Variants in WDR27 observed in about 807,000 individuals in gnomAD.
The protein encoded by WDR27 is WD repeat-containing protein 27.
Under a neutral mutation model 114.4 loss-of-function variants are expected in WDR27, and 100 were observed. The ratio of observed to expected loss-of-function variants is 0.87; its 90% CI spans 0.74 to 1.03. The LOEUF is 1.03. WDR27 is among the 50% of genes least tolerant of loss of function. WDR27 has a pLI of 0.00. For synonymous variants in WDR27, 449 were observed against 423.1 expected (o/e 1.06, Z -0.75); for missense variants, 1,129 against 1,092.9 (o/e 1.03, Z -0.47).
intron 19 of WDR27, 148 bp downstream of exon 19, chr6:169,636,223 G>T: frequency 2.1e-6 from 2 of 952,498 alleles, no homozygotes; most frequent in Non-Finnish European, 1.5e-6. Flanking sequence ...AGTAGGATCT[G>T]GATAATTCCC....
rs117350500 is a variant in WDR27, at chr6:169,623,016, G to A, written c.2224-9360C>T. 1.3e-3 allele frequency among the ~76,000 whole-genome samples: 201 copies of A among 152,308 alleles called. 4 individuals carry two copies. The East Asian group carries it at 0.031, about 24-fold the overall frequency. On this transcript the variant is annotated intron_variant, in intron 21 of 25. Transcript: ENST00000448612. ...AAAGATTAGAAATTATGGTTTAGGAGTAATGTAGCTGGAGGCTACAAGATT... is the reference window on the plus strand; with the variant it reads ...AAAGATTAGAAATTATGGTTTAGGAATAATGTAGCTGGAGGCTACAAGATT...
At chr6:169,514,311 G>A (rs1224117619) in intron 25 of WDR27, among the ~76,000 whole-genome samples, 5 of 150,938 alleles carry the variant, frequency 3.3e-5, no homozygotes, top group Non-Finnish European at 7.4e-5. Context: ...GAAAAGAGAA[G>A]TCAAACTGAC....
the WDR27 span, chr6:169,427,188 G>C: frequency 6.6e-6 from 1 of 152,444 alleles, no homozygotes; most frequent in Admixed American, 6.5e-5. Flanking sequence ...AGGTGGGGAG[G>C]GGGGAAACCG....
chr6:169,607,711 C>G (rs1344982840), intron 22 of WDR27, among the ~76,000 whole-genome samples: 1 of 152,044 alleles, frequency 6.6e-6, no homozygotes, highest in African/African-American at 2.4e-5. Flanking sequence ...ACCTTAAAAG[C>G]CCGGACTTCA....
chr6:169,543,402 T>C (rs1225690208), intron 25 of WDR27, among the ~76,000 whole-genome samples: 1 of 152,114 alleles, frequency 6.6e-6, no homozygotes, highest in Non-Finnish European at 1.5e-5. Context: ...TTCATACTCT[T>C]AAAAGTTATT....
In WDR27 at chr6:169,659,630, C is replaced by A. The variant is rs528774291; in HGVS notation, c.1130-112G>T. ...CAGCCCAGAGCCCACCACACACAGT[C>A]CAGGCCCCACCACACACTTTGCAGG... On this transcript the variant is annotated intron_variant, in intron 10 of 25. Transcript: ENST00000448612. This position sits in a 1 kb window ranked among gnomAD's most constrained non-coding sequence, Gnocchi z 4.3. 2 of 939,568 alleles carry A rather than the reference C, an allele frequency of 2.1e-6. No homozygotes were observed. The highest frequency in any genetic ancestry group is 2.9e-5 in the South Asian group (2 of 68,560). 58.2% of individuals were successfully genotyped at this position (939,568 alleles called of 1,614,324 possible). A position where few individuals can be genotyped will look rare whatever the true frequency, so the allele number is the denominator to read the frequency against.
Position 169,626,025 on chromosome 6 carries a change from G to A in WDR27, c.2223+6922C>T, listed in dbSNP as rs117285827. Among the ~76,000 whole-genome samples the A allele has an allele frequency of 7.3e-3, 1,112 of 152,332 alleles. 4 individuals are homozygous for A. The highest frequency in any genetic ancestry group is 9.6e-3 in the African/African-American group (399 of 41,578). ...CCAAGGACACTGACAGGGTAAGAAC[G>A]AGAAAGTGGTACAGGGTCTGCATGC... On this transcript the variant is annotated intron_variant, in intron 21 of 25. Coordinates refer to ENST00000448612, the MANE Select transcript of WDR27 (RefSeq NM_182552.5).
intron 25 of WDR27, among the ~76,000 whole-genome samples, chr6:169,498,625 G>A (rs1312787480): frequency 2.0e-5 from 3 of 152,168 alleles, no homozygotes; most frequent in Non-Finnish European, 4.4e-5. Context: ...AGAATCAAAA[G>A]CTTTGCTTGA....
Position 169,665,542 on chromosome 6 carries a change from TGAG to T in WDR27, c.724_726del (p.Leu242del). 2.5e-6 allele frequency: 4 copies of T among 1,613,772 alleles called. No homozygotes were observed. Among genetic ancestry groups the T allele is most frequent in the Non-Finnish European group, 3.4e-6 (4 of 1,179,760 alleles). ...CTGCTTTCTGCATCAATGAATAAAC[TGAG>T]AAGAGGATATGCTGGTGAAAGGAAC... On this transcript the variant is annotated inframe_deletion, in exon 7 of 26. Transcript: ENST00000448612.
At chr6:169,521,682 T>C (rs1189092624) in intron 25 of WDR27, among the ~76,000 whole-genome samples, 6 of 152,016 alleles carry the variant, frequency 3.9e-5, no homozygotes, top group Non-Finnish European at 8.8e-5. Context: ...ATGTAGAGTA[T>C]TTTTTTCTTT....
chr6:169,643,630 T>C, intron 17 of WDR27, 67 bp downstream of exon 17: 5 of 1,381,710 alleles, frequency 3.6e-6, no homozygotes, highest in Non-Finnish European at 5.0e-6. Context: ...CTTTAGCAAC[T>C]GATAACCAGG....
In WDR27 at chr6:169,621,540, G is replaced by A. The variant is rs562307400; in HGVS notation, c.2224-7884C>T. Among the ~76,000 whole-genome samples, 120 of 95,516 alleles carry A rather than the reference G, an allele frequency of 1.3e-3. 1 individual carries two copies. The highest frequency in any genetic ancestry group is 3.4e-3 in the African/African-American group (84 of 24,642). The allele number at this position is 95,516 out of a possible 152,430, so 62.7% of individuals were successfully genotyped here. On this transcript the variant is annotated intron_variant, in intron 21 of 25. Transcript: ENST00000448612. ...CACATATACATACACACACACGCAC[G>A]CATATACATACACACACGCATTCAT...
intron 4 of WDR27, 105 bp from the exon 5 acceptor site, chr6:169,668,290 G>A (rs767731094): frequency 9.6e-5 from 107 of 1,109,604 alleles, no homozygotes; most frequent in Middle Eastern, 2.0e-4. Context: ...AAGCTCAGGC[G>A]ACAGGCACAG....
At chr6:169,439,204 A>C in the WDR27 span, among the ~76,000 whole-genome samples, 21 of 152,186 alleles carry the variant, frequency 1.4e-4, no homozygotes, top group African/African-American at 1.9e-4. Flanking sequence ...TTATATTTAG[A>C]TGGATGCATT....
chr6:169,536,306 C>T (rs941255053), intron 25 of WDR27, among the ~76,000 whole-genome samples: 14 of 152,174 alleles, frequency 9.2e-5, no homozygotes, highest in African/African-American at 3.4e-4. Context: ...CCCCACTTTC[C>T]TCAAGTTCAG....
chr6:169,575,609 T>C (rs1222264485), intron 24 of WDR27, among the ~76,000 whole-genome samples: 1 of 152,166 alleles, frequency 6.6e-6, no homozygotes. Context: ...CCTACTCTCC[T>C]CAATAACGCA....
chr6:169,633,899 A>G (rs1226782646), intron 20 of WDR27, among the ~76,000 whole-genome samples: 1 of 152,232 alleles, frequency 6.6e-6, no homozygotes, highest in Non-Finnish European at 1.5e-5. Context: ...AAACCCTCCA[A>G]TAGAGTTCAA....
rs752043083 is a variant in WDR27, at chr6:169,651,948, C to T, written c.1463G>A (p.Gly488Asp). Residue 488 changes from glycine to aspartate, a missense_variant, in exon 14 of 26, where the codon GGT (glycine) becomes GAT (aspartate). Physicochemically the swap from Gly to Asp is moderately conservative, Grantham distance 94 (BLOSUM62 -1). Transcript: ENST00000448612. ...LVFHSKVRSS[G>D]YASAPHVTMF... ...CACTCACTGTGGTGCTGACGCATAA[C>T]CAGATGACCTAACTTTACTATGGAA... 9.9e-6 allele frequency: 16 copies of T among 1,613,710 alleles called. No individual in the cohort carries two copies. The highest frequency in any genetic ancestry group is 1.3e-5 in the Non-Finnish European group (15 of 1,179,854).
At chr6:169,555,482 G>A (rs1798744719) in intron 25 of WDR27, among the ~76,000 whole-genome samples, 1 of 152,146 alleles carries the variant, frequency 6.6e-6, no homozygotes, top group Non-Finnish European at 1.5e-5. Flanking sequence ...CCTACAGGCA[G>A]TGAAGAGGAT....
Sources: allele counts gnomAD v4.1 joint callset (sites outside exome capture counted in the v4.1 genomes callset), GRCh38; gene constraint gnomAD v4.1.1; non-coding constraint Gnocchi (gnomAD v3.1); transcripts MANE v1.5; gene names NCBI Gene and HGNC (gene_info 2026-07-23, HGNC 2026-07-21).